MINDY4: variants seen among roughly 807,000 people sequenced by gnomAD.
MINDY4 encodes the protein MINDY lysine 48 deubiquitinase 4, also known as probable ubiquitin carboxyl-terminal hydrolase MINDY-4.
In MINDY4, 68 loss-of-function variants were observed where a neutral mutation model predicts 87.0. That is an observed-to-expected ratio of 0.78 (90% CI 0.64 to 0.96). The LOEUF is 0.96. MINDY4 is among the 40% of genes least tolerant of loss of function. The pLI is 0.00. For missense variants in MINDY4, 919 were observed against 928.2 expected (o/e 0.99, Z 0.13); for synonymous variants, 379 against 363.2 (o/e 1.04, Z -0.50).
intron 13 of MINDY4, among the ~76,000 whole-genome samples, chr7:30,862,043 G>T (rs923585776): frequency 1.2e-4 from 19 of 152,260 alleles, no homozygotes; most frequent in African/African-American, 4.6e-4. Flanking sequence ...AAGTTCAAAA[G>T]AACTTTAGTT....
rs137885882 is a variant in MINDY4 at position 30,862,593 on chromosome 7, C to T, written c.1745+3269C>T. On this transcript the variant is annotated intron_variant, in intron 13 of 17. Transcript: ENST00000265299. Reference sequence around the variant, plus strand: ...GAATCCCACCTCTGCCTGCTGCCTCCGGGGCTAGCCGCTGGCAAAGGCCTT... The same window carrying T: ...GAATCCCACCTCTGCCTGCTGCCTCTGGGGCTAGCCGCTGGCAAAGGCCTT... 8.5e-3 allele frequency among the ~76,000 whole-genome samples: 1,295 copies of T among 152,324 alleles called. 9 individuals are homozygous for T. The highest frequency in any genetic ancestry group is 0.014 in the Non-Finnish European group (964 of 68,028).
chr7:30,850,035 G>C (rs1030834631), intron 9 of MINDY4, among the ~76,000 whole-genome samples: 1 of 152,252 alleles, frequency 6.6e-6, no homozygotes, highest in Non-Finnish European at 1.5e-5. Flanking sequence ...GACTCCAGAG[G>C]CTTGGAGGTG....
chr7:30,811,189 C>G (rs1460743055), intron 5 of MINDY4, among the ~76,000 whole-genome samples: 1 of 151,674 alleles, frequency 6.6e-6, no homozygotes. Context: ...CCCAAGTCAA[C>G]GTGTTAACAG....
chr7:30,852,411 C>T, intron 11 of MINDY4, 132 bp downstream of exon 11: 1 of 1,510,250 alleles, frequency 6.6e-7, no homozygotes, highest in African/African-American at 1.4e-5. Flanking sequence ...AATCCTCATC[C>T]TGGGATTAGG....
chr7:30,883,730 C>T (rs897380405), intron 17 of MINDY4, among the ~76,000 whole-genome samples: 2 of 152,154 alleles, frequency 1.3e-5, no homozygotes, highest in African/African-American at 4.8e-5. Context: ...GACCCAGAGG[C>T]CTCAGCGTGC....
At chr7:30,883,207 A>G (rs996818334) in intron 17 of MINDY4, among the ~76,000 whole-genome samples, 11 of 152,098 alleles carry the variant, frequency 7.2e-5, no homozygotes, top group African/African-American at 2.4e-4. Flanking sequence ...GCGTCTTTAG[A>G]CAGCTTCTGA....
rs1236532634 is a variant in MINDY4 at position 30,836,639 on chromosome 7, G to A, written c.1133-19G>A. Reference sequence around the variant, plus strand: ...GTGAGTCATAACGAAGGGCTCACATGGCCATGGTTTTCTTTCAGAGGATGT... The same window carrying A: ...GTGAGTCATAACGAAGGGCTCACATAGCCATGGTTTTCTTTCAGAGGATGT... On this transcript the variant is annotated intron_variant, in intron 6 of 17. Coordinates refer to ENST00000265299, the MANE Select transcript of MINDY4 (RefSeq NM_032222.3). 2 of 1,601,016 alleles carry A rather than the reference G, an allele frequency of 1.2e-6. No individual in the cohort carries two copies. The highest frequency in any genetic ancestry group is 2.2e-5 in the East Asian group (1 of 44,822).
chr7:30,869,904 G>A (rs768674391), intron 13 of MINDY4, among the ~76,000 whole-genome samples: 1 of 152,104 alleles, frequency 6.6e-6, no homozygotes, highest in African/African-American at 2.4e-5. Flanking sequence ...TGCTGAGGCT[G>A]TTGTTCCTCT....
intron 5 of MINDY4, among the ~76,000 whole-genome samples, chr7:30,807,058 A>C (rs1787832182): frequency 6.6e-6 from 1 of 152,214 alleles, no homozygotes; most frequent in African/African-American, 2.4e-5. Context: ...CTTTAAATAA[A>C]ATTTCTTTTG....
intron 3 of MINDY4, among the ~76,000 whole-genome samples, chr7:30,785,023 T>C (rs539448115): frequency 2.0e-5 from 3 of 151,994 alleles, no homozygotes; most frequent in Admixed American, 2.0e-4. Context: ...TCTCGTGGGC[T>C]CTCTCTTGTT....
intron 1 of MINDY4, among the ~76,000 whole-genome samples, chr7:30,777,627 G>T (rs62446929): frequency 0.068 from 10,384 of 152,230 alleles, 482 homozygotes; most frequent in Middle Eastern, 0.13. Flanking sequence ...CAAAGGCTCT[G>T]GGAGAGGCTG....
chr7:30,795,604 G>A (rs906985401), intron 5 of MINDY4, among the ~76,000 whole-genome samples: 6 of 152,208 alleles, frequency 3.9e-5, no homozygotes, highest in African/African-American at 1.4e-4. Flanking sequence ...TGTGTTTCCT[G>A]TTGCTGGTGT....
chr7:30,855,421 G>T (rs1031784453), intron 12 of MINDY4, among the ~76,000 whole-genome samples: 17 of 152,252 alleles, frequency 1.1e-4, no homozygotes, highest in African/African-American at 4.1e-4. Context: ...GCATCCGTGT[G>T]TGGGATCTGG....
At chr7:30,810,646 T>G (rs1370008179) in intron 5 of MINDY4, among the ~76,000 whole-genome samples, 1 of 152,096 alleles carries the variant, frequency 6.6e-6, no homozygotes, top group Non-Finnish European at 1.5e-5. Context: ...TATAAAAGGT[T>G]AAAAAGAGTC....
intron 1 of MINDY4, among the ~76,000 whole-genome samples, chr7:30,777,289 TC>T (rs1440103397): frequency 6.6e-6 from 1 of 152,102 alleles, no homozygotes; most frequent in Non-Finnish European, 1.5e-5. Context: ...TAAAGAATTA[TC>T]CATCAGAGAG....
At chr7:30,812,421 A>G (rs1318951175) in intron 5 of MINDY4, among the ~76,000 whole-genome samples, 1 of 152,186 alleles carries the variant, frequency 6.6e-6, no homozygotes, top group Non-Finnish European at 1.5e-5. Context: ...AAAATAAAAA[A>G]GAGAATTAAA....
chr7:30,852,156 G>A (rs1789433803), intron 10 of MINDY4, 60 bp from the exon 11 acceptor site: 12 of 1,606,618 alleles, frequency 7.5e-6, no homozygotes, highest in Middle Eastern at 1.7e-4. Context: ...GTTTCGCCCC[G>A]GCTGGAGGGC....
At chr7:30,783,336 G>A (rs756894148) in intron 3 of MINDY4, among the ~76,000 whole-genome samples, 48 of 152,016 alleles carry the variant, frequency 3.2e-4, no homozygotes, top group Non-Finnish European at 6.8e-4. Flanking sequence ...GGACCCCTGT[G>A]ATTACATTGG....
rs564212626 is a variant in MINDY4 at position 30,813,970 on chromosome 7, G to A, written c.1074-14709G>A. Among the ~76,000 whole-genome samples, 8 of 152,206 alleles carry A rather than the reference G, an allele frequency of 5.3e-5. No homozygotes were observed. The East Asian group carries it at 1.5e-3, about 29-fold the overall frequency. On this transcript the variant is annotated intron_variant, in intron 5 of 17. Coordinates refer to ENST00000265299, the MANE Select transcript of MINDY4 (RefSeq NM_032222.3). ...ACCAGTCTTGACTTGATCTTGCTCT[G>A]GCCAAACCAGGGCAGGACAGAGAAT...
Sources: gnomAD v4.1 joint callset for allele counts (sites outside exome capture counted in the v4.1 genomes callset) on GRCh38, gnomAD v4.1.1 for gene constraint, MANE v1.5 for transcripts, NCBI Gene and HGNC (gene_info 2026-07-23, HGNC 2026-07-21) for gene names.